Variants in NXPE1 observed in about 807,000 individuals in gnomAD.
NXPE1 encodes NXPE family member 1.
A neutral mutation model predicts 33.3 loss-of-function variants in NXPE1; 31 were observed. That is an observed-to-expected ratio of 0.93 (90% CI 0.70 to 1.26). The LOEUF (loss-of-function observed/expected upper bound fraction) is 1.26, where lower values mean the gene tolerates loss of function less well. Ranked by LOEUF, NXPE1 falls within the 50% of genes most tolerant of loss-of-function variation. The pLI is 0.00. For synonymous variants in NXPE1, 229 were observed against 231.4 expected (o/e 0.99, Z 0.09); for missense variants, 661 against 655.6 (o/e 1.01, Z -0.09).
At chr11:114,548,026 A>T (rs1366504315) in intron 5 of NXPE1, among the ~76,000 whole-genome samples, 2 of 152,170 alleles carry the variant, frequency 1.3e-5, no homozygotes, top group Non-Finnish European at 2.9e-5. Flanking sequence ...TAAATACCAC[A>T]TTAAAAAAAA....
At chr11:114,539,573 G>A (rs921396067) in intron 5 of NXPE1, among the ~76,000 whole-genome samples, 5 of 152,062 alleles carry the variant, frequency 3.3e-5, no homozygotes, top group African/African-American at 9.7e-5. Flanking sequence ...ACATGATAAA[G>A]TTGTTAATTC....
chr11:114,549,671 C>A (rs1342090161), intron 5 of NXPE1, among the ~76,000 whole-genome samples: 1 of 151,948 alleles, frequency 6.6e-6, no homozygotes, highest in African/African-American at 2.4e-5. Context: ...AAATCAGGAA[C>A]AAGACAAGGA....
chr11:114,547,433 T>C (rs1948320238), intron 5 of NXPE1, among the ~76,000 whole-genome samples: 1 of 152,134 alleles, frequency 6.6e-6, no homozygotes, highest in Non-Finnish European at 1.5e-5. Flanking sequence ...TAAAGAGAAG[T>C]GACAATGAAA....
rs138093693 is a variant in NXPE1, at chr11:114,547,830, A to G, written c.99+3273T>C. ...GAAATTAAGGAAATCTGAATAATAT[A>G]TGGACTTCAAATTGTAAGTATCAGT... On this transcript the variant is annotated intron_variant, in intron 5 of 8. Coordinates refer to ENST00000534921, the Ensembl canonical transcript of NXPE1. Among the ~76,000 whole-genome samples the G allele has an allele frequency of 7.4e-3, 1,126 of 152,304 alleles. 4 individuals are homozygous for G. The highest frequency in any genetic ancestry group is 0.012 in the Non-Finnish European group (823 of 68,012).
At chr11:114,533,092 TAAAAC>T (rs1431769178) in intron 5 of NXPE1, among the ~76,000 whole-genome samples, 1 of 152,090 alleles carries the variant, frequency 6.6e-6, no homozygotes, top group Non-Finnish European at 1.5e-5. Context: ...AACAATAAAA[TAAAAC>T]AAACAAACAA....
At chr11:114,535,615 A>T (rs1255535297) in intron 5 of NXPE1, among the ~76,000 whole-genome samples, 1 of 152,226 alleles carries the variant, frequency 6.6e-6, no homozygotes, top group Non-Finnish European at 1.5e-5. Flanking sequence ...AAAACAAAAA[A>T]ATGCAGGGAT....
rs889747963 is a variant in NXPE1 at position 114,530,735 on chromosome 11, A to G, written c.273T>C (p.His91=). The G allele has an allele frequency of 6.8e-6, 11 of 1,613,998 alleles. No individual in the cohort carries two copies. In the African/African-American group the frequency reaches 8.0e-5, roughly 12 times the overall value. The change falls in exon 6 of 9, where the codon CAT becomes CAC. Residue 91 remains histidine (H), a synonymous_variant. Coordinates refer to ENST00000534921, the Ensembl canonical transcript of NXPE1. ...GTGTGGCACTGGTGGTGGTGTTCAC[A>G]TGGGTGAAAGGTCTGGGTGGGATCT...
At chr11:114,530,451 C>T in exon 6 of NXPE1, 1 of 1,614,238 alleles carries the variant, frequency 6.2e-7, no homozygotes, top group South Asian at 1.1e-5. Flanking sequence ...CGCCCCTTCA[C>T]TGGGGTGGAT....
chr11:114,537,483 G>T (rs1947878140), intron 5 of NXPE1, among the ~76,000 whole-genome samples: 1 of 152,178 alleles, frequency 6.6e-6, no homozygotes, highest in African/African-American at 2.4e-5. Flanking sequence ...AAAAGAGGAA[G>T]TCAGATTGTC....
At chr11:114,545,329 G>T (rs532817903) in intron 5 of NXPE1, among the ~76,000 whole-genome samples, 11 of 152,170 alleles carry the variant, frequency 7.2e-5, no homozygotes, top group African/African-American at 2.4e-4. Flanking sequence ...TCTTCAGTAG[G>T]TGAATATAGA....
chr11:114,535,416 A>G (rs934066946), intron 5 of NXPE1, among the ~76,000 whole-genome samples: 25 of 152,218 alleles, frequency 1.6e-4, no homozygotes, highest in Non-Finnish European at 5.9e-5. Context: ...GACAGGATCA[A>G]ATTCACACAT....
intron 1 of NXPE1, among the ~76,000 whole-genome samples, chr11:114,555,987 T>C (rs1289091123): frequency 2.0e-5 from 3 of 152,224 alleles, no homozygotes; most frequent in African/African-American, 7.2e-5. Flanking sequence ...GTTCTCTATA[T>C]GGACAAATGT....
chr11:114,556,960 T>C (rs1324834963), intron 1 of NXPE1, among the ~76,000 whole-genome samples: 1 of 151,876 alleles, frequency 6.6e-6, no homozygotes, highest in Non-Finnish European at 1.5e-5. Flanking sequence ...TGGCACTATC[T>C]TGGCTCACTG....
intron 5 of NXPE1, among the ~76,000 whole-genome samples, chr11:114,543,081 C>T (rs1307608265): frequency 6.6e-6 from 1 of 152,052 alleles, no homozygotes; most frequent in Non-Finnish European, 1.5e-5. Context: ...TATGGCAAGA[C>T]TGTCTCTACA....
At chr11:114,532,008 A>T (rs1947603030) in intron 5 of NXPE1, among the ~76,000 whole-genome samples, 1 of 152,222 alleles carries the variant, frequency 6.6e-6, no homozygotes, top group African/African-American at 2.4e-5. Context: ...GTTTTCCAAA[A>T]GCCTCAAAAG....
chr11:114,549,506 A>G (rs1948399823), intron 5 of NXPE1, among the ~76,000 whole-genome samples: 1 of 152,082 alleles, frequency 6.6e-6, no homozygotes, highest in South Asian at 2.1e-4. Context: ...GATTATCTTC[A>G]TAAAAGCACA....
At chr11:114,538,214 T>C (rs1042107181) in intron 5 of NXPE1, among the ~76,000 whole-genome samples, 4 of 152,126 alleles carry the variant, frequency 2.6e-5, no homozygotes, top group East Asian at 3.9e-4. Flanking sequence ...GCTGGGAAAA[T>C]TGGCTAGCCA....
chr11:114,522,199 A>C (rs1947230775), exon 9 of NXPE1: 4 of 1,614,042 alleles, frequency 2.5e-6, no homozygotes, highest in Non-Finnish European at 3.4e-6. Flanking sequence ...TAATCACTTT[A>C]GTGGCTGGGC....
At chr11:114,547,438 A>C (rs904809531) in intron 5 of NXPE1, among the ~76,000 whole-genome samples, 1 of 152,208 alleles carries the variant, frequency 6.6e-6, no homozygotes, top group Non-Finnish European at 1.5e-5. Context: ...AGAAGTGACA[A>C]TGAAATATAA....
Sources: gnomAD v4.1 joint callset for allele counts (sites outside exome capture counted in the v4.1 genomes callset) on GRCh38, gnomAD v4.1.1 for gene constraint, MANE v1.5 for transcripts, NCBI Gene and HGNC (gene_info 2026-07-23, HGNC 2026-07-21) for gene names.